RORB: variants seen among roughly 807,000 people sequenced by gnomAD.
The protein encoded by RORB is nuclear receptor ROR-beta.
In RORB, 6 loss-of-function variants were observed where a neutral mutation model predicts 59.1. That is an observed-to-expected ratio of 0.10 (90% CI 0.06 to 0.20). RORB has a LOEUF of 0.20. Ranked by LOEUF, RORB falls within the 10% of genes least tolerant of loss-of-function variation. RORB has a pLI of 1.00. For synonymous variants in RORB, 215 were observed against 204.5 expected, an observed-to-expected ratio of 1.05 and a Z score of -0.44; for missense variants, 320 against 560.5, an observed-to-expected ratio of 0.57 and a Z score of 4.33.
chr9:74,516,352 G>A (rs1826010069), intron 1 of RORB, among the ~76,000 whole-genome samples: 1 of 151,918 alleles, frequency 6.6e-6, no homozygotes, highest in Non-Finnish European at 1.5e-5. Context: ...GAAAGCTGAG[G>A]CTCAGACAGT....
At chr9:74,522,746 G>A (rs1235171027) in intron 1 of RORB, among the ~76,000 whole-genome samples, 1 of 151,776 alleles carries the variant, frequency 6.6e-6, no homozygotes, top group African/African-American at 2.4e-5. Flanking sequence ...TCTTCACAAG[G>A]AACAACTTGT....
intron 4 of RORB, among the ~76,000 whole-genome samples, chr9:74,660,275 A>C (rs1323056071): frequency 6.6e-6 from 1 of 152,154 alleles, no homozygotes; most frequent in Admixed American, 6.5e-5. Flanking sequence ...TTTGGAGTAC[A>C]AGTGTTAAGA....
chr9:74,503,166 T>C (rs1825824373), intron 1 of RORB, among the ~76,000 whole-genome samples: 1 of 152,082 alleles, frequency 6.6e-6, no homozygotes, highest in Non-Finnish European at 1.5e-5. Context: ...TCTTTTGTGA[T>C]ATAATGAATG....
chr9:74,629,220 G>A (rs927879259), intron 1 of RORB, among the ~76,000 whole-genome samples: 4 of 151,124 alleles, frequency 2.6e-5, no homozygotes, highest in East Asian at 2.0e-4. Flanking sequence ...CACCCAAGTT[G>A]GAAGTAATCT....
intron 1 of RORB, among the ~76,000 whole-genome samples, chr9:74,515,658 C>T (rs1039804931): frequency 6.6e-6 from 1 of 151,940 alleles, no homozygotes; most frequent in African/African-American, 2.4e-5. Context: ...CAAAACCCAC[C>T]ATTCCAAAAT....
intron 4 of RORB, among the ~76,000 whole-genome samples, chr9:74,655,678 C>G (rs1272551126): frequency 6.6e-6 from 1 of 152,140 alleles, no homozygotes; most frequent in Admixed American, 6.6e-5. Flanking sequence ...ATTGTCTCTC[C>G]TTTGGCCTTT....
At chr9:74,533,696 G>A (rs769813606) in intron 1 of RORB, among the ~76,000 whole-genome samples, 4 of 152,140 alleles carry the variant, frequency 2.6e-5, no homozygotes, top group Non-Finnish European at 5.9e-5. Flanking sequence ...GTTCTCACAC[G>A]TTTGGCTTTG....
chr9:74,576,494 CAA>C (rs1822637355), intron 1 of RORB, among the ~76,000 whole-genome samples: 1 of 151,914 alleles, frequency 6.6e-6, no homozygotes, highest in South Asian at 2.1e-4. Context: ...TCATAGGGGA[CAA>C]AAGAGGGCCC....
chr9:74,589,677 G>T lies in RORB; in HGVS notation c.8-40605G>T, dbSNP rs118010811. Among the ~76,000 whole-genome samples the T allele has an allele frequency of 6.2e-3, 939 of 152,220 alleles. 9 individuals are homozygous for T. Among genetic ancestry groups the T allele is most frequent in the South Asian group, 0.021 (103 of 4,820 alleles). The stretch of plus-strand genomic sequence containing the variant: ...ATGTAAACAAAATTTAAAAAGAAAA[G>T]AAAAAAGCACAGGATGAGTGTCACT... On this transcript the variant is annotated intron_variant, in intron 1 of 9. Transcript: ENST00000376896.
At chr9:74,551,041 A>G (rs1017403038) in intron 1 of RORB, among the ~76,000 whole-genome samples, 1 of 152,226 alleles carries the variant, frequency 6.6e-6, no homozygotes, top group Admixed American at 6.5e-5. Context: ...CAGCTACTAA[A>G]AAGTTTTAAA....
intron 1 of RORB, among the ~76,000 whole-genome samples, chr9:74,572,945 T>A (rs564581012): frequency 6.6e-6 from 1 of 152,294 alleles, no homozygotes; most frequent in Non-Finnish European, 1.5e-5. Context: ...TAGCTGAATT[T>A]GAGACGGTAA....
chr9:74,535,674 T>A (rs1418657364), intron 1 of RORB, among the ~76,000 whole-genome samples: 1 of 152,010 alleles, frequency 6.6e-6, no homozygotes, highest in Non-Finnish European at 1.5e-5. Context: ...CAAAAGAAGA[T>A]GTCTGGCTGC....
At chr9:74,523,908 G>A (rs1826117643) in intron 1 of RORB, among the ~76,000 whole-genome samples, 2 of 151,166 alleles carry the variant, frequency 1.3e-5, no homozygotes, top group South Asian at 4.2e-4. Context: ...GCTGTGAAAT[G>A]CTCTTGAGAA....
chr9:74,607,871 C>T (rs995518590), intron 1 of RORB, among the ~76,000 whole-genome samples: 1 of 152,134 alleles, frequency 6.6e-6, no homozygotes, highest in South Asian at 2.1e-4. Context: ...TGAAGCAACA[C>T]AGAATTGTGT....
chr9:74,591,431 G>C (rs967571522), intron 1 of RORB, among the ~76,000 whole-genome samples: 2 of 152,038 alleles, frequency 1.3e-5, no homozygotes, highest in African/African-American at 4.8e-5. Flanking sequence ...AAACATTTTA[G>C]GAGAACACAA....
intron 1 of RORB, among the ~76,000 whole-genome samples, chr9:74,567,359 G>T (rs1249234816): frequency 6.6e-6 from 1 of 152,142 alleles, no homozygotes; most frequent in Non-Finnish European, 1.5e-5. Flanking sequence ...ACCCTCTCTA[G>T]TCCCAGGAAA....
At chr9:74,588,222 C>T (rs1247836283) in intron 1 of RORB, among the ~76,000 whole-genome samples, 1 of 152,146 alleles carries the variant, frequency 6.6e-6, no homozygotes, top group South Asian at 2.1e-4. Flanking sequence ...AGGCAAGTCT[C>T]TCACTCTCAG....
At chr9:74,654,480 T>G (rs1824048898) in intron 4 of RORB, among the ~76,000 whole-genome samples, 1 of 152,164 alleles carries the variant, frequency 6.6e-6, no homozygotes, top group African/African-American at 2.4e-5. Context: ...CACACACTAT[T>G]GAGAATTACC....
chr9:74,609,362 T>C (rs953056847), intron 1 of RORB, among the ~76,000 whole-genome samples: 1 of 152,086 alleles, frequency 6.6e-6, no homozygotes, highest in Non-Finnish European at 1.5e-5. Flanking sequence ...ATCTACCAAC[T>C]GTTGACCCTA....
Sources: gnomAD v4.1 joint callset for allele counts (sites outside exome capture counted in the v4.1 genomes callset) on GRCh38, gnomAD v4.1.1 for gene constraint, MANE v1.5 for transcripts, NCBI Gene and HGNC (gene_info 2026-07-23, HGNC 2026-07-21) for gene names.